PLEKHG2: variants seen among roughly 807,000 people sequenced by gnomAD.
PLEKHG2 encodes the protein pleckstrin homology and RhoGEF domain containing G2, also known as pleckstrin homology domain-containing family G member 2.
Under a neutral mutation model 104.4 loss-of-function variants are expected in PLEKHG2, and 71 were observed. The ratio of observed to expected loss-of-function variants is 0.68; its 90% confidence interval spans 0.56 to 0.83. The LOEUF (loss-of-function observed/expected upper bound fraction) is 0.83. Ranked by LOEUF, PLEKHG2 falls within the 40% of genes least tolerant of loss-of-function variation. PLEKHG2 has a pLI of 0.00. For missense variants in PLEKHG2, 1,730 were observed against 1,809.4 expected (o/e 0.96, Z 0.80); for synonymous variants, 728 against 737.0 (o/e 0.99, Z 0.20).
At position 39,418,794 on chromosome 19, in the gene PLEKHG2, C is replaced by T; in HGVS notation, c.1144C>T (p.Leu382=). The stretch of plus-strand genomic sequence containing the variant: ...CCCTCTAGGGTTCAAGGTGTCTGAT[C>T]TGACCATTCCCAAGCACAGACACCT... ...RDPLGFKVSD[L]TIPKHRHLLQ... is the part of the protein sequence containing the mutation. Residue 382 remains leucine, a synonymous_variant, in exon 10 of 19, where the codon CTG becomes TTG. Transcript: ENST00000425673. The T allele has an allele frequency of 6.2e-7, 1 of 1,612,112 alleles. No homozygotes were observed. Among genetic ancestry groups the T allele is most frequent in the Non-Finnish European group, 8.5e-7 (1 of 1,178,434 alleles).
intron 16 of PLEKHG2, 187 bp from the exon 17 acceptor site, chr19:39,421,928 A>G: frequency 2.1e-6 from 1 of 474,124 alleles, no homozygotes; most frequent in Non-Finnish European, 3.5e-6. Context: ...GAGGCAGCAG[A>G]ATCGCTTGAA....
In PLEKHG2 at chr19:39,424,870, C is replaced by A. The variant is rs368141846; in HGVS notation, c.3737C>A (p.Ser1246Tyr). The A allele has an allele frequency of 6.2e-7, 1 of 1,614,122 alleles. No homozygotes were observed. The highest frequency in any genetic ancestry group is 8.5e-7 in the Non-Finnish European group (1 of 1,180,054). ...TCCAAACCAGGAGGCTCCTTAGCCT[C>A]TCACGTTGCCAGGTTGGAGTCTTCA... ...VLSKPGGSLA[S>Y]HVARLESSDL... Residue 1246 changes from serine to tyrosine, a missense_variant, in exon 19 of 19, where the codon TCT becomes TAT. Ser to Tyr is a moderately radical substitution (Grantham distance 144). Transcript: ENST00000425673.
chr19:39,423,268 G>A lies in PLEKHG2; in HGVS notation c.2214G>A (p.Gly738=), dbSNP rs765992027. 3.1e-6 allele frequency: 5 copies of A among 1,614,036 alleles called. No homozygotes were observed. The South Asian group carries it at 5.5e-5, about 18-fold the overall frequency. Residue 738 remains glycine (G), a synonymous_variant, in exon 18 of 19, where the codon GGG becomes GGA. Coordinates refer to ENST00000425673, the MANE Select transcript of PLEKHG2 (RefSeq NM_022835.3). Reference sequence around the variant, plus strand: ...CAGGGCCAGAGGAGGATGAAGAAGGGGTATCATTCACAGACTTCCAGCCCC... The same window carrying A: ...CAGGGCCAGAGGAGGATGAAGAAGGAGTATCATTCACAGACTTCCAGCCCC... ...GKAGPEEDEE[G]VSFTDFQPQD...
At chr19:39,422,007 A>T in intron 16 of PLEKHG2, 108 bp from the exon 17 acceptor site, 37 of 1,093,350 alleles carry the variant, frequency 3.4e-5, no homozygotes, top group Non-Finnish European at 4.6e-5. Flanking sequence ...ACAGAGCGAG[A>T]CTCCATCTCA....
chr19:39,421,871 G>A (rs2078703280), intron 16 of PLEKHG2: 1 of 347,026 alleles, frequency 2.9e-6, no homozygotes, highest in Non-Finnish European at 5.1e-6. Flanking sequence ...ACAAAAATTA[G>A]CTGGACATTG....
chr19:39,414,231 GC>G, intron 2 of PLEKHG2, 36 bp downstream of exon 2: 1 of 1,538,456 alleles, frequency 6.5e-7, no homozygotes, highest in Non-Finnish European at 8.8e-7. Flanking sequence ...AGCCTGTGGG[GC>G]TTTTATTCCT....
Position 39,413,743 on chromosome 19 carries a change from A to C in PLEKHG2, c.-22-322A>C. ...CGGCCTCCCGCCCACGGCTTTTCCC[A>C]GCCCTGCCCCTCGCCCTCCGCTCCA... On this transcript the variant is annotated intron_variant, in intron 1 of 18. Transcript: ENST00000425673. The surrounding 1 kb of genome is among the most constrained non-coding windows in gnomAD (Gnocchi z 4.5). 1 of 167,612 alleles carries C rather than the reference A, an allele frequency of 6.0e-6. No individual in the cohort carries two copies. The highest frequency in any genetic ancestry group is 1.3e-5 in the Non-Finnish European group (1 of 76,618). The allele number at this position is 167,612 out of a possible 1,614,324, so 10.4% of individuals were successfully genotyped here.
rs150254568 is a variant in PLEKHG2, at chr19:39,420,808, G to A, written c.1355G>A (p.Arg452Gln). 7.4e-6 allele frequency: 12 copies of A among 1,613,934 alleles called. No homozygotes were observed. The highest frequency in any genetic ancestry group is 2.2e-5 in the East Asian group (1 of 44,888). ...CTGACACCCCCACTTGGGTCTCCTC[G>A]ACCTCGAGATGCTAGAAGTTTTACC... is the stretch of plus-strand genomic sequence containing the variant. The part of the protein sequence containing the change: ...EPLTPPLGSP[R>Q]PRDARSFTPG... The change falls in exon 13 of 19, where the codon CGA (arginine) becomes CAA (glutamine). Residue 452 changes from arginine (R) to glutamine (Q), a missense_variant. Physicochemically the swap from Arg to Gln is conservative, Grantham distance 43 (BLOSUM62 1). Transcript: ENST00000425673.
chr19:39,417,122 T>A lies in PLEKHG2; in HGVS notation c.744+122T>A. 3 of 1,213,392 alleles carry A rather than the reference T, an allele frequency of 2.5e-6. No homozygotes were observed. In the South Asian group the frequency reaches 4.7e-5, roughly 19 times the overall value. 75.2% of individuals were successfully genotyped at this position (1,213,392 alleles called of 1,614,324 possible). On this transcript the variant is annotated intron_variant, in intron 7 of 18. Coordinates refer to ENST00000425673, the MANE Select transcript of PLEKHG2 (RefSeq NM_022835.3). ...GCAAGGCCTCCCAAAGTGCTGGGAT[T>A]ACAGGCGTGAGCCACCGCGCACAGC...
At position 39,421,097 on chromosome 19, in the gene PLEKHG2, C is replaced by T; in HGVS notation, c.1470C>T (p.Val490=). ...RQSEPVKDPY[V]MFPQNAKPGF... is the part of the protein sequence containing the mutation. The stretch of plus-strand genomic sequence containing the variant: ...CAGAGCCGGTGAAGGACCCTTATGT[C>T]ATGTTCCCACAGAACGGTCAGTGAC... Residue 490 remains valine, a synonymous_variant, in exon 15 of 19, where the codon GTC becomes GTT. Coordinates refer to ENST00000425673, the MANE Select transcript of PLEKHG2 (RefSeq NM_022835.3). The T allele has an allele frequency of 6.2e-7, 1 of 1,608,988 alleles. No homozygotes were observed. The highest frequency in any genetic ancestry group is 2.2e-5 in the East Asian group (1 of 44,586).
At chr19:39,419,698 A>G (rs7409239) in intron 11 of PLEKHG2, among the ~76,000 whole-genome samples, 24,077 of 151,922 alleles carry the variant, frequency 0.16, 2,371 homozygotes, top group East Asian at 0.4. Context: ...TAACATGGTG[A>G]AACCCCATCT....
chr19:39,428,213 T>A lies in PLEKHG2; in HGVS notation c.*2919T>A, dbSNP rs1178478158. On this transcript the variant is annotated 3_prime_UTR_variant, in exon 19 of 19. Transcript: ENST00000425673. Reference sequence around the variant, plus strand: ...GACGAGCAAAACTGTCTCAAAAAAATAAAATGAAATACATAAATAAATGTG... The same window carrying A: ...GACGAGCAAAACTGTCTCAAAAAAAAAAAATGAAATACATAAATAAATGTG... 6.6e-6 allele frequency: 1 copy of A among 151,950 alleles called. No homozygotes were observed. Among genetic ancestry groups the A allele is most frequent in the East Asian group, 1.9e-4 (1 of 5,192 alleles). The allele number at this position is 151,950 out of a possible 1,614,324, so 9.4% of individuals were successfully genotyped here.
rs752081970 is a variant in PLEKHG2, at chr19:39,423,337, C to G, written c.2283C>G (p.Phe761Leu). 2.5e-6 allele frequency: 4 copies of G among 1,613,904 alleles called. No individual in the cohort carries two copies. Among genetic ancestry groups the G allele is most frequent in the East Asian group, 2.2e-5 (1 of 44,896 alleles). Residue 761 changes from phenylalanine (F) to leucine (L), a missense_variant, in exon 18 of 19, where the codon TTC (phenylalanine) becomes TTG (leucine). Transcript: ENST00000425673. ...AGGGATTCCCAGATGAGCTGGCATTCCGCTCTTGCTCAGAAATCCGGAGCG... is the reference window on the plus strand; with the variant it reads ...AGGGATTCCCAGATGAGCTGGCATTGCGCTCTTGCTCAGAAATCCGGAGCG... ...QHQGFPDELAFRSCSEIRSAW... is the reference protein window; with the variant it reads ...QHQGFPDELALRSCSEIRSAW...
intron 11 of PLEKHG2, among the ~76,000 whole-genome samples, chr19:39,420,370 A>C (rs1284683573): frequency 6.6e-6 from 1 of 152,100 alleles, no homozygotes; most frequent in East Asian, 1.9e-4. Flanking sequence ...CAAAAAAAAA[A>C]AAAAATTAGC....
chr19:39,422,719 G>T lies in PLEKHG2; in HGVS notation c.1678-13G>T. 4 of 1,515,282 alleles carry T rather than the reference G, an allele frequency of 2.6e-6. No individual in the cohort carries two copies. Among genetic ancestry groups the T allele is most frequent in the Non-Finnish European group, 3.5e-6 (4 of 1,133,628 alleles). The allele number at this position is 1,515,282 out of a possible 1,614,324, so 93.9% of individuals were successfully genotyped here. A position where few individuals can be genotyped will look rare whatever the true frequency, so the allele number is the denominator to read the frequency against. On this transcript the variant is annotated splice_polypyrimidine_tract_variant and intron_variant, in intron 17 of 18. Coordinates refer to ENST00000425673, the MANE Select transcript of PLEKHG2 (RefSeq NM_022835.3). ...GCTGATATGTTTGGCTTGTTCTCCT[G>T]TGCCCACTATAGCCGTCCACCCATG...
chr19:39,419,657 CACGAGGTCCGGAGAT>C (rs2078665772), intron 11 of PLEKHG2, among the ~76,000 whole-genome samples: 4 of 152,008 alleles, frequency 2.6e-5, no homozygotes, highest in Non-Finnish European at 5.9e-5. Flanking sequence ...GCGGGCGGAT[CACGAGGTCCGGAGAT>C]CGAGACCATC....
At chr19:39,418,185 G>A in intron 9 of PLEKHG2, 80 bp downstream of exon 9, 1 of 1,221,112 alleles carries the variant, frequency 8.2e-7, no homozygotes. Flanking sequence ...GCCCGGCAGT[G>A]TGGGCCAGGG....
intron 8 of PLEKHG2, 96 bp downstream of exon 8, chr19:39,417,788 G>A: frequency 6.6e-7 from 1 of 1,513,394 alleles, no homozygotes; most frequent in Non-Finnish European, 8.8e-7. Flanking sequence ...AGGTAGCCTT[G>A]GAGGGTTGGC....
At position 39,425,088 on chromosome 19, in the gene PLEKHG2, C is replaced by T. The variant is rs1403255821; in HGVS notation, c.3955C>T (p.Pro1319Ser). 1 of 1,589,298 alleles carries T rather than the reference C, an allele frequency of 6.3e-7. No homozygotes were observed. Among genetic ancestry groups the T allele is most frequent in the Non-Finnish European group, 8.6e-7 (1 of 1,168,066 alleles). ...TGCTCCCACGTCACGGGCATCTTCG[C>T]CGCCCCCCCAGCCCCAGCCACCACC... ...SSAPTSRASS[P>S]PPQPQPPPPP... Residue 1319 changes from proline (P) to serine (S), a missense_variant, in exon 19 of 19, where the codon CCG (proline) becomes TCG (serine). Physicochemically the swap from Pro to Ser is moderately conservative, Grantham distance 74 (BLOSUM62 -1). Transcript: ENST00000425673.
Sources: gnomAD v4.1 joint callset for allele counts (sites outside exome capture counted in the v4.1 genomes callset) on GRCh38, gnomAD v4.1.1 for gene constraint, Gnocchi (gnomAD v3.1) non-coding constraint, MANE v1.5 for transcripts, NCBI Gene and HGNC (gene_info 2026-07-23, HGNC 2026-07-21) for gene names.